Variants in HOXC4 observed in about 807,000 individuals in gnomAD.
The protein encoded by HOXC4 is homeobox protein Hox-C4.
A neutral mutation model predicts 25.5 loss-of-function variants in HOXC4; 15 were observed. That is an observed-to-expected ratio of 0.59 (90% CI 0.39 to 0.91). The LOEUF (loss-of-function observed/expected upper bound fraction) is 0.91, where lower values mean the gene tolerates loss of function less well. HOXC4 is among the 40% of genes least tolerant of loss of function. The pLI is 0.00. For synonymous variants in HOXC4, 165 were observed against 148.0 expected (o/e 1.11, Z -0.83); for missense variants, 342 against 352.4 (o/e 0.97, Z 0.24).
chr12:54,031,399 G>T (rs796789938), intron 1 of HOXC4, among the ~76,000 whole-genome samples: 25 of 152,342 alleles, frequency 1.6e-4, no homozygotes, highest in African/African-American at 5.8e-4. Context: ...GAGAGAGAAA[G>T]CCTGGAAACT....
chr12:54,052,569 T>TGTGG (rs796588290), upstream of HOXC4, among the ~76,000 whole-genome samples: 8 of 126,170 alleles, frequency 6.3e-5, no homozygotes, highest in African/African-American at 2.6e-4. Flanking sequence ...CACCCCTAGC[T>TGTGG]GGGGGGGGGG....
intron 1 of HOXC4, among the ~76,000 whole-genome samples, chr12:54,039,596 C>G (rs189253640): frequency 6.6e-6 from 1 of 152,166 alleles, no homozygotes; most frequent in East Asian, 1.9e-4. Flanking sequence ...AACTAATTAT[C>G]AGTTTCTCCC....
chr12:54,041,494 G>A (rs991125831), intron 1 of HOXC4, among the ~76,000 whole-genome samples: 1 of 152,226 alleles, frequency 6.6e-6, no homozygotes, highest in Non-Finnish European at 1.5e-5. Context: ...AGAATGGGAA[G>A]GATAGTCCGG....
intron 1 of HOXC4, chr12:54,020,262 T>C (rs1940374362): frequency 6.6e-6 from 1 of 152,270 alleles, no homozygotes. Context: ...AGACACTGAA[T>C]CTGTGGGTCA....
intron 1 of HOXC4, among the ~76,000 whole-genome samples, chr12:54,044,043 C>T (rs138572386): frequency 6.6e-6 from 1 of 151,298 alleles, no homozygotes; most frequent in Non-Finnish European, 1.5e-5. Context: ...GATGGGGGCA[C>T]AGGCTGAGGT....
At chr12:54,038,226 C>G (rs1028335447) in intron 1 of HOXC4, among the ~76,000 whole-genome samples, 2 of 152,160 alleles carry the variant, frequency 1.3e-5, no homozygotes, top group African/African-American at 4.8e-5. Context: ...CTCCCCTTCC[C>G]ACTCCTTATT....
chr12:54,042,518 A>G (rs1178045010), intron 1 of HOXC4, among the ~76,000 whole-genome samples: 1 of 152,170 alleles, frequency 6.6e-6, no homozygotes, highest in Non-Finnish European at 1.5e-5. Context: ...CAAAAAGGTA[A>G]ACTTTCTCTT....
chr12:54,048,231 C>G (rs1326079499), intron 1 of HOXC4, among the ~76,000 whole-genome samples: 1 of 151,946 alleles, frequency 6.6e-6, no homozygotes, highest in Admixed American at 6.6e-5. Flanking sequence ...AGGGGAAGAT[C>G]TTATTATTGA....
Position 54,034,364 on chromosome 12 carries a change from A to G in HOXC4, c.-124+16950A>G. 3 of 1,614,038 alleles carry G rather than the reference A, an allele frequency of 1.9e-6. No individual in the cohort carries two copies. The South Asian group carries it at 3.3e-5, about 18-fold the overall frequency. On this transcript the variant is annotated intron_variant, in intron 1 of 3. Transcript: ENST00000303406. ...AGAATTCCACTTTAACCGCTACCTCACTCGCCGCAGGCGCATAGAGATCGC... is the reference window on the plus strand; with the variant it reads ...AGAATTCCACTTTAACCGCTACCTCGCTCGCCGCAGGCGCATAGAGATCGC...
Position 54,033,256 on chromosome 12 carries a change from T to G in HOXC4, c.-124+15842T>G, listed in dbSNP as rs774530116. 41 of 1,614,154 alleles carry G rather than the reference T, an allele frequency of 2.5e-5. No homozygotes were observed. In the African/African-American group the frequency reaches 5.3e-4, roughly 21 times the overall value. ...AGGTACTGCTACGGCGGATTGGACT[T>G]AAGCATCACTTTCCCACCGCCTGCG... On this transcript the variant is annotated intron_variant, in intron 1 of 3. Transcript: ENST00000303406.
At chr12:54,034,367 C>T (rs917358379) in intron 1 of HOXC4, 1 of 1,614,214 alleles carries the variant, frequency 6.2e-7, no homozygotes, top group Admixed American at 1.7e-5. Context: ...CTACCTCACT[C>T]GCCGCAGGCG....
rs371537421 is a variant in HOXC4, at chr12:54,055,128, C to G, written c.718C>G (p.Pro240Ala). The change falls in exon 2 of 2, where the codon CCG becomes GCG. Residue 240 changes from proline to alanine, a missense_variant. By Grantham distance (27) the Pro-to-Ala change is conservative (BLOSUM62 -1). Coordinates refer to ENST00000430889, the MANE Select transcript of HOXC4 (RefSeq NM_153633.3). ...GCCCAGCACCCTTTCGGCAGCTACC[C>G]CGGGTACTTCTGAAGACCACTCCCA... The part of the protein sequence containing the change: ...AAPSTLSAAT[P>A]GTSEDHSQSA... 5.6e-6 allele frequency: 9 copies of G among 1,613,290 alleles called. No homozygotes were observed. In the African/African-American group the frequency reaches 1.2e-4, roughly 22 times the overall value.
At chr12:54,024,601 A>G (rs1359690584) in intron 1 of HOXC4, among the ~76,000 whole-genome samples, 1 of 152,150 alleles carries the variant, frequency 6.6e-6, no homozygotes, top group East Asian at 1.9e-4. Flanking sequence ...CCCAGAGCTG[A>G]GTGGAAAGCA....
chr12:54,048,309 C>T (rs986386291), intron 1 of HOXC4, among the ~76,000 whole-genome samples: 1 of 152,098 alleles, frequency 6.6e-6, no homozygotes. Context: ...AAAGTTCTTT[C>T]TCACAGAGGT....
chr12:54,047,474 C>G (rs1296589341), intron 1 of HOXC4, among the ~76,000 whole-genome samples: 1 of 152,180 alleles, frequency 6.6e-6, no homozygotes, highest in Non-Finnish European at 1.5e-5. Context: ...GCCGAGGGGC[C>G]GCCTGTAAAT....
intron 1 of HOXC4, among the ~76,000 whole-genome samples, chr12:54,017,898 G>C (rs2136412294): frequency 6.6e-6 from 1 of 151,880 alleles, no homozygotes; most frequent in East Asian, 1.9e-4. Flanking sequence ...TCCCCTCCCT[G>C]TCTGGCAGCC....
chr12:54,023,400 G>C (rs186396434), intron 1 of HOXC4, among the ~76,000 whole-genome samples: 2 of 152,338 alleles, frequency 1.3e-5, no homozygotes, highest in African/African-American at 4.8e-5. Context: ...AGGTCAGGCA[G>C]AAATCTGGAA....
intron 1 of HOXC4, chr12:54,035,313 T>C (rs1167006639): frequency 6.5e-6 from 1 of 152,720 alleles, no homozygotes; most frequent in African/African-American, 2.4e-5. Context: ...TCTGGGTCCT[T>C]CCTGAAACTA....
chr12:54,022,556 C>A (rs750724753), intron 1 of HOXC4: 1 of 152,122 alleles, frequency 6.6e-6, no homozygotes, highest in Non-Finnish European at 1.5e-5. Context: ...ATGGTTCTTT[C>A]AGATCTGCAA....
Sources: gnomAD v4.1 joint callset for allele counts (sites outside exome capture counted in the v4.1 genomes callset) on GRCh38, gnomAD v4.1.1 for gene constraint, MANE v1.5 for transcripts, NCBI Gene and HGNC (gene_info 2026-07-23, HGNC 2026-07-21) for gene names.